GPC5: variants seen among roughly 807,000 people sequenced by gnomAD.
The protein encoded by GPC5 is glypican 5, also known as glypican-5.
In GPC5, 47 loss-of-function variants were observed where a neutral mutation model predicts 53.9. That is an observed-to-expected ratio of 0.87 (90% CI 0.69 to 1.11). The LOEUF is 1.11. Among genes scored for constraint, GPC5 ranks in the 50% most tolerant of loss-of-function variants. The pLI is 0.00. For missense variants in GPC5, 748 were observed against 713.1 expected (o/e 1.05, Z -0.56); for synonymous variants, 286 against 263.3 (o/e 1.09, Z -0.84).
chr13:92,189,160 TC>T (rs760907568), intron 7 of GPC5, among the ~76,000 whole-genome samples: 137 of 152,168 alleles, frequency 9.0e-4, no homozygotes, highest in Non-Finnish European at 1.7e-3. Context: ...CTGAGAAAAA[TC>T]CCTTTATGTT....
At chr13:92,293,584 G>GAGCT (rs1427823111) in intron 7 of GPC5, among the ~76,000 whole-genome samples, 1 of 151,922 alleles carries the variant, frequency 6.6e-6, no homozygotes, top group East Asian at 1.9e-4. Context: ...TCAGTTCTAG[G>GAGCT]AGCTTTCTGG....
intron 6 of GPC5, among the ~76,000 whole-genome samples, chr13:91,963,831 A>G (rs368419202): frequency 2.8e-4 from 43 of 152,176 alleles, no homozygotes; most frequent in African/African-American, 1.0e-3. Context: ...CCAAAATGAA[A>G]TTAAATGGAA....
At chr13:92,104,558 A>T (rs2041492942) in intron 6 of GPC5, among the ~76,000 whole-genome samples, 1 of 152,204 alleles carries the variant, frequency 6.6e-6, no homozygotes, top group Admixed American at 6.5e-5. Context: ...GAATCCTGAG[A>T]GATCATAGAT....
At chr13:91,910,715 G>T (rs1047484168) in intron 6 of GPC5, among the ~76,000 whole-genome samples, 1 of 152,080 alleles carries the variant, frequency 6.6e-6, no homozygotes, top group African/African-American at 2.4e-5. Context: ...CTTGGAAAAT[G>T]TCACTTTTTA....
At chr13:91,873,589 TC>T (rs1240134787) in intron 5 of GPC5, among the ~76,000 whole-genome samples, 1 of 152,226 alleles carries the variant, frequency 6.6e-6, no homozygotes, top group East Asian at 1.9e-4. Context: ...GCTTTCACCT[TC>T]CCCCATGAGT....
chr13:92,600,549 G>A (rs1325592031), intron 7 of GPC5, among the ~76,000 whole-genome samples: 1 of 151,842 alleles, frequency 6.6e-6, no homozygotes, highest in African/African-American at 2.4e-5. Flanking sequence ...CCAGGCTAGA[G>A]TGCAATGGCA....
intron 6 of GPC5, among the ~76,000 whole-genome samples, chr13:91,929,157 ATAT>A (rs1290065483): frequency 6.6e-6 from 1 of 152,074 alleles, no homozygotes; most frequent in South Asian, 2.1e-4. Flanking sequence ...ATAATTTTAA[ATAT>A]TATTCTTAAA....
At chr13:92,234,002 G>T (rs931490080) in intron 7 of GPC5, among the ~76,000 whole-genome samples, 7 of 152,126 alleles carry the variant, frequency 4.6e-5, no homozygotes, top group African/African-American at 1.7e-4. Flanking sequence ...CATTTTTTAT[G>T]GCTGCATAGT....
At chr13:92,077,795 A>G (rs1396549591) in intron 6 of GPC5, among the ~76,000 whole-genome samples, 2 of 152,320 alleles carry the variant, frequency 1.3e-5, no homozygotes, top group South Asian at 2.1e-4. Flanking sequence ...AGGAAAAGGA[A>G]AATGAGCAAG....
chr13:92,086,601 C>G (rs1261450503), intron 6 of GPC5, among the ~76,000 whole-genome samples: 5 of 151,880 alleles, frequency 3.3e-5, no homozygotes, highest in Non-Finnish European at 7.4e-5. Context: ...CTGTAGAACA[C>G]TTTTTTCTTC....
chr13:91,660,968 T>C (rs1247542713), intron 2 of GPC5, among the ~76,000 whole-genome samples: 1 of 152,230 alleles, frequency 6.6e-6, no homozygotes, highest in African/African-American at 2.4e-5. Context: ...GGAACACAAT[T>C]ACTTGCTCTT....
chr13:92,142,938 ACTAATT>A (rs984491434), intron 6 of GPC5, among the ~76,000 whole-genome samples: 1 of 152,206 alleles, frequency 6.6e-6, no homozygotes, highest in African/African-American at 2.4e-5. Context: ...TGCATTTTTA[ACTAATT>A]CTTTCAATTA....
intron 6 of GPC5, among the ~76,000 whole-genome samples, chr13:92,065,686 T>C (rs2041162181): frequency 6.6e-6 from 1 of 152,144 alleles, no homozygotes; most frequent in South Asian, 2.1e-4. Context: ...TGAAAAATCA[T>C]TTAAGCAAAA....
rs558910516 is a variant in GPC5, at chr13:92,339,649, A to G, written c.1561+194660A>G. On this transcript the variant is annotated intron_variant, in intron 7 of 7. Transcript: ENST00000377067. ...AATGAAAAATGTTCTGTGGATGTAT[A>G]TAAAAATCTGAGCTTATACATCTGA... is the stretch of plus-strand genomic sequence containing the variant. 11 of 152,256 alleles carry G rather than the reference A, an allele frequency of 7.2e-5. 1 individual carries two copies. The South Asian group carries it at 1.9e-3, about 26-fold the overall frequency. 9.4% of individuals were successfully genotyped at this position (152,256 alleles called of 1,614,324 possible). A position where few individuals can be genotyped will look rare whatever the true frequency, so the allele number is the denominator to read the frequency against.
intron 7 of GPC5, among the ~76,000 whole-genome samples, chr13:92,420,229 G>T (rs1171002582): frequency 1.3e-5 from 2 of 151,950 alleles, no homozygotes; most frequent in African/African-American, 2.4e-5. Flanking sequence ...AATTATTTTT[G>T]ATTCATTCAT....
chr13:92,568,722 G>T (rs187297361), intron 7 of GPC5, among the ~76,000 whole-genome samples: 2 of 152,006 alleles, frequency 1.3e-5, no homozygotes, highest in Non-Finnish European at 2.9e-5. Context: ...ACATTAGTTC[G>T]TTTAGTCCTC....
intron 7 of GPC5, among the ~76,000 whole-genome samples, chr13:92,223,401 C>T (rs565352448): frequency 6.6e-6 from 1 of 152,248 alleles, no homozygotes; most frequent in East Asian, 1.9e-4. Context: ...AGTGACAGAA[C>T]TTTATCCTTA....
At chr13:91,901,384 TC>T (rs1359174631) in intron 5 of GPC5, among the ~76,000 whole-genome samples, 1 of 152,058 alleles carries the variant, frequency 6.6e-6, no homozygotes, top group Non-Finnish European at 1.5e-5. Flanking sequence ...ATGTCTCCTT[TC>T]TCTAAATCCC....
intron 7 of GPC5, among the ~76,000 whole-genome samples, chr13:92,406,910 C>G (rs561847193): frequency 3.9e-5 from 6 of 152,206 alleles, no homozygotes; most frequent in African/African-American, 1.4e-4. Context: ...ACACTGAAAA[C>G]AATTTACTGG....
Sources: allele counts gnomAD v4.1 joint callset (sites outside exome capture counted in the v4.1 genomes callset), GRCh38; gene constraint gnomAD v4.1.1; transcripts MANE v1.5; gene names NCBI Gene and HGNC (gene_info 2026-07-23, HGNC 2026-07-21).